IFT56: variants seen among roughly 807,000 people sequenced by gnomAD.
The protein encoded by IFT56 is intraflagellar transport protein 56.
chr7:139,179,460 G>A, the IFT56 span: 1 of 755,438 alleles, frequency 1.3e-6, no homozygotes, highest in Non-Finnish European at 2.3e-6. Context: ...AGCCTGTATA[G>A]AATTGGGCTG....
chr7:139,160,481 A>G, the IFT56 span, among the ~76,000 whole-genome samples: 60 of 150,462 alleles, frequency 4.0e-4, no homozygotes, highest in Middle Eastern at 6.9e-3. Context: ...CCAGGCTGGA[A>G]TGCAGTGGCG....
the IFT56 span, among the ~76,000 whole-genome samples, chr7:139,174,798 A>T: frequency 6.6e-6 from 1 of 152,166 alleles, no homozygotes; most frequent in Non-Finnish European, 1.5e-5. Context: ...AGGCGGGTGG[A>T]TCACCTGACG....
At chr7:139,145,805 G>A in the IFT56 span, among the ~76,000 whole-genome samples, 8 of 152,028 alleles carry the variant, frequency 5.3e-5, no homozygotes, top group Non-Finnish European at 1.0e-4. Context: ...AATATTATTA[G>A]TAGTGAAAGT....
chr7:139,177,579 A>G, the IFT56 span, among the ~76,000 whole-genome samples: 1 of 151,286 alleles, frequency 6.6e-6, no homozygotes. Flanking sequence ...TATATTTTAT[A>G]TGTATATCTG....
chr7:139,165,200 T>C, the IFT56 span: 1 of 1,613,730 alleles, frequency 6.2e-7, no homozygotes, highest in Non-Finnish European at 8.5e-7. Flanking sequence ...TTCCTGAAGC[T>C]AGGCTAAACT....
chr7:139,164,181 A>G, the IFT56 span, among the ~76,000 whole-genome samples: 2 of 152,190 alleles, frequency 1.3e-5, no homozygotes, highest in South Asian at 2.1e-4. Context: ...TTGTTACAGT[A>G]GTGGGCATAT....
the IFT56 span, chr7:139,169,392 G>A: frequency 6.4e-7 from 1 of 1,554,828 alleles, no homozygotes. Context: ...CTTCATAATT[G>A]GAGTGGGGCA....
chr7:139,159,031 A>T, the IFT56 span, among the ~76,000 whole-genome samples: 10 of 152,214 alleles, frequency 6.6e-5, no homozygotes, highest in Non-Finnish European at 1.0e-4. Context: ...TGTTGCATCA[A>T]TACATAATGG....
At chr7:139,175,082 G>C in the IFT56 span, among the ~76,000 whole-genome samples, 6 of 151,970 alleles carry the variant, frequency 3.9e-5, no homozygotes, top group Non-Finnish European at 7.4e-5. Flanking sequence ...ATATGAAAAG[G>C]TGTTTGACAT....
chr7:139,177,780 C>G, the IFT56 span, among the ~76,000 whole-genome samples: 3 of 151,902 alleles, frequency 2.0e-5, no homozygotes, highest in Non-Finnish European at 4.4e-5. Context: ...CAGTATCAGG[C>G]AAAAAGTTGA....
the IFT56 span, among the ~76,000 whole-genome samples, chr7:139,154,704 T>A: frequency 6.6e-6 from 1 of 152,188 alleles, no homozygotes; most frequent in African/African-American, 2.4e-5. Context: ...TATATGTGTA[T>A]CCTTACATTA....
At chr7:139,157,139 CTTTTTTTTT>C in the IFT56 span, among the ~76,000 whole-genome samples, 16,037 of 82,944 alleles carry the variant, frequency 0.19, 1,948 homozygotes, top group East Asian at 0.38. Context: ...TCTTTAATTT[CTTTTTTTTT>C]TTTTTTTTTT....
At chr7:139,141,651 T>A in the IFT56 span, among the ~76,000 whole-genome samples, 2 of 152,186 alleles carry the variant, frequency 1.3e-5, no homozygotes, top group East Asian at 3.8e-4. Context: ...GTAAAAGAGA[T>A]AGAATTGGGT....
the IFT56 span, among the ~76,000 whole-genome samples, chr7:139,175,261 T>C: frequency 6.6e-6 from 1 of 152,078 alleles, no homozygotes; most frequent in Admixed American, 6.5e-5. Context: ...TGTGTGCTAA[T>C]TTATGTACGT....
At chr7:139,181,724 A>G in the IFT56 span, among the ~76,000 whole-genome samples, 4 of 152,232 alleles carry the variant, frequency 2.6e-5, no homozygotes, top group Non-Finnish European at 5.9e-5. Context: ...CTAGGCTACA[A>G]ACCTGTACAG....
chr7:139,162,748 C>A, the IFT56 span, among the ~76,000 whole-genome samples: 1 of 151,640 alleles, frequency 6.6e-6, no homozygotes, highest in Non-Finnish European at 1.5e-5. Flanking sequence ...ATCACAAGGT[C>A]AGGAGTTCAA....
the IFT56 span, among the ~76,000 whole-genome samples, chr7:139,188,455 A>G: frequency 6.6e-6 from 1 of 152,236 alleles, no homozygotes. Context: ...TTTTCTAAAA[A>G]TAACTTCATG....
the IFT56 span, among the ~76,000 whole-genome samples, chr7:139,134,263 T>G: frequency 6.8e-6 from 1 of 146,800 alleles, no homozygotes; most frequent in East Asian, 2.0e-4. Flanking sequence ...TGTTAAGGAT[T>G]TGACTTATAA....
At chr7:139,161,265 G>A in the IFT56 span, 15 of 403,268 alleles carry the variant, frequency 3.7e-5, no homozygotes, top group African/African-American at 2.3e-4. Flanking sequence ...GTAGATCCAG[G>A]TGTCTGTTTT....
Sources: gnomAD v4.1 joint callset for allele counts (sites outside exome capture counted in the v4.1 genomes callset) on GRCh38, gnomAD v4.1.1 for gene constraint, MANE v1.5 for transcripts, NCBI Gene and HGNC (gene_info 2026-07-23, HGNC 2026-07-21) for gene names.